The following AUTS2 variants were observed in gnomAD, a reference collection of about 807,000 sequenced individuals.
AUTS2 encodes activator of transcription and developmental regulator AUTS2.
AUTS2 carries 17 observed loss-of-function variants against 112.4 expected under a neutral mutation model. That is an observed-to-expected ratio of 0.15 (90% CI 0.10 to 0.23). The LOEUF is 0.23. AUTS2 is among the 10% of genes least tolerant of loss of function. AUTS2 has a pLI of 1.00. For synonymous variants in AUTS2, 751 were observed against 702.7 expected, an observed-to-expected ratio of 1.07 and a Z score of -1.09; for missense variants, 1,510 against 1,701.6, an observed-to-expected ratio of 0.89 and a Z score of 1.98.
intron 1 of AUTS2, among the ~76,000 whole-genome samples, chr7:69,783,652 C>T (rs779389633): frequency 6.6e-6 from 1 of 152,128 alleles, no homozygotes; most frequent in Non-Finnish European, 1.5e-5. Flanking sequence ...AGTAGCATGC[C>T]TGTGGCATAA....
At chr7:70,194,312 A>G (rs1810059114) in intron 4 of AUTS2, among the ~76,000 whole-genome samples, 1 of 152,184 alleles carries the variant, frequency 6.6e-6, no homozygotes. Flanking sequence ...CAGGAGGCTG[A>G]GGCAAGAGAA....
At chr7:69,958,672 G>A (rs939130830) in intron 2 of AUTS2, among the ~76,000 whole-genome samples, 2 of 152,126 alleles carry the variant, frequency 1.3e-5, no homozygotes, top group African/African-American at 4.8e-5. Flanking sequence ...AGATGGCACT[G>A]GATTAGTGAT....
intron 1 of AUTS2, among the ~76,000 whole-genome samples, chr7:69,893,377 A>C (rs948526098): frequency 2.0e-5 from 3 of 152,176 alleles, no homozygotes; most frequent in Admixed American, 6.6e-5. Flanking sequence ...CTGGAGACTC[A>C]TTATTGGTAG....
intron 2 of AUTS2, among the ~76,000 whole-genome samples, chr7:70,082,978 T>G (rs2129565331): frequency 6.6e-6 from 1 of 152,322 alleles, no homozygotes. Context: ...AGCAGGAATA[T>G]TCTTTTACAA....
chr7:69,629,095 G>C (rs1320854055), intron 1 of AUTS2, among the ~76,000 whole-genome samples: 1 of 152,138 alleles, frequency 6.6e-6, no homozygotes, highest in African/African-American at 2.4e-5. Context: ...AGCTTAGCAT[G>C]GACTGAAAAT....
intron 1 of AUTS2, among the ~76,000 whole-genome samples, chr7:69,876,847 A>G (rs1289899774): frequency 2.0e-5 from 3 of 152,038 alleles, no homozygotes; most frequent in Admixed American, 6.6e-5. Flanking sequence ...GTATTATCAC[A>G]TCTTCCCTTG....
intron 1 of AUTS2, among the ~76,000 whole-genome samples, chr7:69,810,473 A>AT (rs1032106114): frequency 6.6e-6 from 1 of 151,606 alleles, no homozygotes; most frequent in African/African-American, 2.4e-5. Context: ...TAGTTGTTTA[A>AT]TTAAAAAAAA....
intron 5 of AUTS2, among the ~76,000 whole-genome samples, chr7:70,545,942 G>T (rs893476460): frequency 1.3e-5 from 2 of 152,144 alleles, no homozygotes; most frequent in African/African-American, 4.8e-5. Flanking sequence ...GGTTGCACAG[G>T]AGTTAATTTA....
intron 2 of AUTS2, among the ~76,000 whole-genome samples, chr7:69,973,872 G>A (rs923888451): frequency 3.3e-5 from 5 of 151,892 alleles, no homozygotes; most frequent in South Asian, 4.1e-4. Flanking sequence ...CTGTACTTAC[G>A]AGAAATACTG....
At chr7:70,317,186 G>A (rs763394692) in intron 4 of AUTS2, 5 of 152,084 alleles carry the variant, frequency 3.3e-5, no homozygotes, top group Non-Finnish European at 7.4e-5. Context: ...TGAAAAAAAT[G>A]TTTTGTACAA....
chr7:70,142,990 A>G (rs1490568221), intron 4 of AUTS2, among the ~76,000 whole-genome samples: 1 of 152,206 alleles, frequency 6.6e-6, no homozygotes, highest in Admixed American at 6.5e-5. Flanking sequence ...TTTATTGACT[A>G]TCACTCAGAA....
chr7:69,890,568 T>C (rs1213577285), intron 1 of AUTS2, among the ~76,000 whole-genome samples: 1 of 152,182 alleles, frequency 6.6e-6, no homozygotes, highest in Non-Finnish European at 1.5e-5. Context: ...TTTCTTTGCT[T>C]ATTGGCTAAC....
At chr7:70,688,828 A>G (rs1309424944) in intron 5 of AUTS2, among the ~76,000 whole-genome samples, 1 of 152,204 alleles carries the variant, frequency 6.6e-6, no homozygotes, top group Non-Finnish European at 1.5e-5. Flanking sequence ...CATCTCAACA[A>G]AACAAAACAT....
chr7:70,403,395 C>T (rs1009599176), intron 4 of AUTS2, among the ~76,000 whole-genome samples: 1 of 152,246 alleles, frequency 6.6e-6, no homozygotes, highest in Non-Finnish European at 1.5e-5. Context: ...GACTGCCACT[C>T]TCAGTACAGG....
At chr7:70,761,278 GT>G (rs1434545179) in intron 6 of AUTS2, among the ~76,000 whole-genome samples, 1 of 152,116 alleles carries the variant, frequency 6.6e-6, no homozygotes, top group African/African-American at 2.4e-5. Context: ...TGAATATCCA[GT>G]ACAGTCCAGC....
chr7:69,791,869 AG>A (rs1182332308), intron 1 of AUTS2, among the ~76,000 whole-genome samples: 1 of 152,190 alleles, frequency 6.6e-6, no homozygotes, highest in Admixed American at 6.5e-5. Flanking sequence ...TGTTTCCCAC[AG>A]GTAAGTTATG....
intron 1 of AUTS2, among the ~76,000 whole-genome samples, chr7:69,737,269 G>A (rs879819313): frequency 6.6e-6 from 1 of 152,104 alleles, no homozygotes; most frequent in Non-Finnish European, 1.5e-5. Context: ...ATAATAACAA[G>A]AGGCTAACAT....
rs970909285 is a variant in AUTS2, at chr7:70,025,450, C to CT, written c.523-92664dup. On this transcript the variant is annotated intron_variant, in intron 2 of 18. Coordinates refer to ENST00000342771, the MANE Select transcript of AUTS2 (RefSeq NM_015570.4). ...CATATCTACATACTTTTTTTGTTTC[C>CT]TTTTTTTTTTTTTTTTTTAAAGACA... Among the ~76,000 whole-genome samples, 1,082 of 134,478 alleles carry CT rather than the reference C, an allele frequency of 8.0e-3. 21 individuals carry two copies. Among genetic ancestry groups the CT allele is most frequent in the East Asian group, 0.078 (367 of 4,714 alleles). The allele number at this position is 134,478 out of a possible 152,430, so 88.2% of individuals were successfully genotyped here.
chr7:70,129,031 A>G (rs1158191668), intron 3 of AUTS2, among the ~76,000 whole-genome samples: 2 of 152,200 alleles, frequency 1.3e-5, no homozygotes, highest in African/African-American at 4.8e-5. Flanking sequence ...AAATTATGTC[A>G]TTGTATTAGA....
Sources: allele counts gnomAD v4.1 joint callset (sites outside exome capture counted in the v4.1 genomes callset), GRCh38; gene constraint gnomAD v4.1.1; transcripts MANE v1.5; gene names NCBI Gene and HGNC (gene_info 2026-07-23, HGNC 2026-07-21).